The following DNTTIP2 variants were observed in gnomAD, a reference collection of about 807,000 sequenced individuals.
The protein encoded by DNTTIP2 is deoxynucleotidyltransferase terminal-interacting protein 2.
In DNTTIP2, 47 loss-of-function variants were observed where a neutral mutation model predicts 62.4. The ratio of observed to expected loss-of-function variants is 0.75; its 90% confidence interval spans 0.60 to 0.96. The LOEUF (loss-of-function observed/expected upper bound fraction) is 0.96, where lower values mean the gene tolerates loss of function less well. Ranked by LOEUF, DNTTIP2 falls within the 40% of genes least tolerant of loss-of-function variation. The probability of loss-of-function intolerance (pLI) is 0.00; values close to 1 mark genes in which losing one functional copy is unlikely to be tolerated. For synonymous variants in DNTTIP2, 322 were observed against 300.9 expected, an observed-to-expected ratio of 1.07 and a Z score of -0.73; for missense variants, 870 against 849.1, an observed-to-expected ratio of 1.02 and a Z score of -0.31.
At position 93,876,547 on chromosome 1, in the gene DNTTIP2, A is replaced by G. The variant is rs141817640; in HGVS notation, c.1388T>C (p.Leu463Ser). 1,182 of 1,614,012 alleles carry G rather than the reference A, an allele frequency of 7.3e-4. 10 individuals are homozygous for G. The African/African-American group carries it at 0.015, about 20-fold the overall frequency. Residue 463 changes from leucine (L) to serine (S), a missense_variant, in exon 2 of 7, where the codon TTA becomes TCA. Leu to Ser is a moderately radical substitution (Grantham distance 145). Coordinates refer to ENST00000436063, the MANE Select transcript of DNTTIP2 (RefSeq NM_014597.5). ...TTGGCCACTATTTTCAACAAAACAT[A>G]AAGTATCCTCTTCATTCTCACTGTT... ...SENSENEEDTLCFVENSGQRE... is the reference protein window; with the variant it reads ...SENSENEEDTSCFVENSGQRE...
intron 4 of DNTTIP2, 129 bp from the exon 5 acceptor site, chr1:93,872,365 T>C (rs1425978848): frequency 3.5e-6 from 3 of 864,266 alleles, no homozygotes; most frequent in Non-Finnish European, 5.2e-6. Context: ...TTGAAAGCAC[T>C]TAAATCCAGA....
At chr1:93,870,581 G>T in intron 6 of DNTTIP2, 102 bp downstream of exon 6, 1 of 553,150 alleles carries the variant, frequency 1.8e-6, no homozygotes, top group Non-Finnish European at 3.0e-6. Context: ...TATGTTATGG[G>T]TTATTATAAA....
intron 4 of DNTTIP2, 88 bp from the exon 5 acceptor site, chr1:93,872,324 T>C: frequency 2.3e-6 from 3 of 1,324,190 alleles, no homozygotes; most frequent in Admixed American, 2.5e-5. Context: ...ATACAGAAAA[T>C]TTTGTAAATT....
At chr1:93,871,898 T>C (rs1655871095) in intron 5 of DNTTIP2, among the ~76,000 whole-genome samples, 174 bp downstream of exon 5, 1 of 152,186 alleles carries the variant, frequency 6.6e-6, no homozygotes, top group South Asian at 2.1e-4. Context: ...AAATTAAAAG[T>C]TAGTGGCTGA....
chr1:93,877,291 T>G lies in DNTTIP2; in HGVS notation c.644A>C (p.Glu215Ala). 6.2e-7 allele frequency: 1 copy of G among 1,613,674 alleles called. No homozygotes were observed. The change falls in exon 2 of 7, where the codon GAA becomes GCA. Residue 215 changes from glutamate (E) to alanine (A), a missense_variant. Coordinates refer to ENST00000436063, the MANE Select transcript of DNTTIP2 (RefSeq NM_014597.5). ...SMQRKLKAQTEKKDSKIVPGN... is the reference protein window; with the variant it reads ...SMQRKLKAQTAKKDSKIVPGN... Reference sequence around the variant, plus strand: ...TGGTACAATCTTACTATCTTTCTTTTCAGTTTGTGCCTTTAATTTCCTCTG... The same window carrying G: ...TGGTACAATCTTACTATCTTTCTTTGCAGTTTGTGCCTTTAATTTCCTCTG...
In DNTTIP2 at chr1:93,876,477, A is replaced by G; in HGVS notation, c.1458T>C (p.Asn486=). The change falls in exon 2 of 7, where the codon AAT becomes AAC. Residue 486 remains asparagine, a synonymous_variant. Transcript: ENST00000436063. ...SGDTGSLSCD[N]ALFVIDTTPG... is the part of the protein sequence containing the mutation. ...GAGTTGTGTCAATTACAAACAATGCATTGTCACATGACAGACTTCCTGTGT... is the reference window on the plus strand; with the variant it reads ...GAGTTGTGTCAATTACAAACAATGCGTTGTCACATGACAGACTTCCTGTGT... 6.2e-7 allele frequency: 1 copy of G among 1,613,958 alleles called. No individual in the cohort carries two copies. Among genetic ancestry groups the G allele is most frequent in the Non-Finnish European group, 8.5e-7 (1 of 1,179,884 alleles).
At chr1:93,872,989 A>T (rs975972223) in intron 4 of DNTTIP2, 130 bp downstream of exon 4, 12 of 592,456 alleles carry the variant, frequency 2.0e-5, no homozygotes, top group Non-Finnish European at 3.2e-5. Flanking sequence ...AGCCCTTAGA[A>T]ATCTGTAATT....
At position 93,879,174 on chromosome 1, in the gene DNTTIP2, C is replaced by T. The variant is rs779369051; in HGVS notation, c.-26G>A. 3.7e-6 allele frequency: 6 copies of T among 1,609,628 alleles called. No individual in the cohort carries two copies. The East Asian group carries it at 8.9e-5, about 24-fold the overall frequency. Reference sequence around the variant, plus strand: ...CTTTCCGGCTCCCTCGCGACCACCACGACTTCCCTCTTCCCTGGCGCTCCG... The same window carrying T: ...CTTTCCGGCTCCCTCGCGACCACCATGACTTCCCTCTTCCCTGGCGCTCCG... On this transcript the variant is annotated 5_prime_UTR_variant, in exon 1 of 7. The change creates a new upstream start codon in the 5' untranslated region. Transcript: ENST00000436063.
At chr1:93,878,364 A>G (rs887244054) in intron 1 of DNTTIP2, among the ~76,000 whole-genome samples, 1 of 152,176 alleles carries the variant, frequency 6.6e-6, no homozygotes, top group African/African-American at 2.4e-5. Context: ...CATTTACTTC[A>G]CTAGCCTCAT....
At chr1:93,875,578 T>TA in intron 3 of DNTTIP2, 67 bp downstream of exon 3, 1 of 1,517,502 alleles carries the variant, frequency 6.6e-7, no homozygotes. Flanking sequence ...TTAAGTCTTT[T>TA]ACCAAGGACT....
intron 4 of DNTTIP2, among the ~76,000 whole-genome samples, 160 bp from the exon 5 acceptor site, chr1:93,872,396 T>C (rs543785915): frequency 7.2e-5 from 11 of 152,318 alleles, no homozygotes; most frequent in African/African-American, 2.6e-4. Context: ...TAAAAGGAAT[T>C]AAATCACAAA....
Position 93,875,772 on chromosome 1 carries a change from G to A in DNTTIP2, c.1679C>T (p.Thr560Ile). The A allele has an allele frequency of 6.2e-7, 1 of 1,609,074 alleles. No homozygotes were observed. Among genetic ancestry groups the A allele is most frequent in the Non-Finnish European group, 8.5e-7 (1 of 1,178,700 alleles). The change falls in exon 3 of 7, where the codon ACA becomes ATA. Residue 560 changes from threonine to isoleucine, a missense_variant. By Grantham distance (89) the Thr-to-Ile change is moderately conservative. Transcript: ENST00000436063. ...CAGACCAGGGTCTATGCTGCTGCTTGTCAACTTCAGACTGAAAAAGAAATC... is the reference window on the plus strand; with the variant it reads ...CAGACCAGGGTCTATGCTGCTGCTTATCAACTTCAGACTGAAAAAGAAATC... ...NSTKAKLLKL[T>I]SSSIDPGLSI...
intron 4 of DNTTIP2, among the ~76,000 whole-genome samples, chr1:93,872,876 A>C (rs1297981815): frequency 1.3e-5 from 2 of 151,616 alleles, no homozygotes; most frequent in Admixed American, 6.6e-5. Context: ...AGTAATCTAT[A>C]TATATATATA....
intron 1 of DNTTIP2, chr1:93,878,857 A>C: frequency 1.8e-6 from 1 of 565,912 alleles, no homozygotes; most frequent in Non-Finnish European, 3.1e-6. Flanking sequence ...AAAGTTATCT[A>C]ACCTCTCTTC....
rs915268428 is a variant in DNTTIP2 at position 93,870,035 on chromosome 1, G to A, written c.2178-91C>T. The A allele has an allele frequency of 1.5e-5, 10 of 668,200 alleles. No individual in the cohort carries two copies. The African/African-American group carries it at 1.6e-4, about 11-fold the overall frequency. 41.4% of individuals were successfully genotyped at this position (668,200 alleles called of 1,614,324 possible). The stretch of plus-strand genomic sequence containing the variant: ...GGTAAAAGTTGGGAATGGAGTGGTG[G>A]ACAAGACAAGTATAGTCTCTGACCT... On this transcript the variant is annotated intron_variant, in intron 6 of 6. Transcript: ENST00000436063.
chr1:93,877,873 G>A lies in DNTTIP2; in HGVS notation c.73-11C>T, dbSNP rs1437566264. 6.3e-7 allele frequency: 1 copy of A among 1,595,298 alleles called. No homozygotes were observed. Among genetic ancestry groups the A allele is most frequent in the Non-Finnish European group, 8.5e-7 (1 of 1,177,438 alleles). On this transcript the variant is annotated splice_polypyrimidine_tract_variant and intron_variant, in intron 1 of 6. Coordinates refer to ENST00000436063, the MANE Select transcript of DNTTIP2 (RefSeq NM_014597.5). ...ATTAGCAGCAAAACTCTGCAAACCA[G>A]AGAAAACACACTGTAATTTAGGTAG...
intron 1 of DNTTIP2, chr1:93,878,717 C>CT (rs1160549306): frequency 1.7e-5 from 3 of 181,382 alleles, no homozygotes; most frequent in East Asian, 1.5e-4. Flanking sequence ...GAAAACGAAG[C>CT]TTTTTTTCCA....
Position 93,869,818 on chromosome 1 carries a change from C to T in DNTTIP2, c.*33G>A. ...CGTCTTTAATAAGTAAATAAAGGAGCAATGTAAAATGTTGCAGTTTGCTTG... is the reference window on the plus strand; with the variant it reads ...CGTCTTTAATAAGTAAATAAAGGAGTAATGTAAAATGTTGCAGTTTGCTTG... On this transcript the variant is annotated 3_prime_UTR_variant, in exon 7 of 7. Transcript: ENST00000436063. The T allele has an allele frequency of 1.3e-6, 1 of 773,396 alleles. No individual in the cohort carries two copies. The highest frequency in any genetic ancestry group is 2.4e-6 in the Non-Finnish European group (1 of 414,264). 47.9% of individuals were successfully genotyped at this position (773,396 alleles called of 1,614,324 possible).
At chr1:93,875,624 C>T in intron 3 of DNTTIP2, 21 bp downstream of exon 3, 1 of 1,599,622 alleles carries the variant, frequency 6.3e-7, no homozygotes, top group Non-Finnish European at 8.5e-7. Context: ...CTGTGAAAAC[C>T]TAACAGCACA....
Sources: gnomAD v4.1 joint callset for allele counts (sites outside exome capture counted in the v4.1 genomes callset) on GRCh38, gnomAD v4.1.1 for gene constraint, MANE v1.5 for transcripts, NCBI Gene and HGNC (gene_info 2026-07-23, HGNC 2026-07-21) for gene names.